The following TENM3 variants were observed in gnomAD, a reference collection of about 807,000 sequenced individuals.
TENM3 encodes the protein teneurin transmembrane protein 3.
TENM3 carries 63 observed loss-of-function variants against 255.1 expected under a neutral mutation model. The ratio of observed to expected loss-of-function variants is 0.25; its 90% CI spans 0.20 to 0.30. The LOEUF (loss-of-function observed/expected upper bound fraction) is 0.30, where lower values mean the gene tolerates loss of function less well. Ranked by LOEUF, TENM3 falls within the 10% of genes least tolerant of loss-of-function variation. The probability of loss-of-function intolerance (pLI) is 1.00; values close to 1 mark genes in which losing one functional copy is unlikely to be tolerated. For synonymous variants in TENM3, 1,306 were observed against 1,322.3 expected, an observed-to-expected ratio of 0.99 and a Z score of 0.27; for missense variants, 2,929 against 3,461.1, an observed-to-expected ratio of 0.85 and a Z score of 3.86.
intron 2 of TENM3, 138 bp from the exon 3 acceptor site, chr4:182,346,513 A>T: frequency 1.2e-6 from 1 of 849,828 alleles, no homozygotes; most frequent in Non-Finnish European, 1.8e-6. Context: ...GCTACTGTAA[A>T]CGCCTGGTGC....
upstream of TENM3, among the ~76,000 whole-genome samples, chr4:182,239,679 C>T (rs976088921): frequency 2.6e-5 from 4 of 151,860 alleles, no homozygotes; most frequent in East Asian, 3.9e-4. Flanking sequence ...CAAATAGGGG[C>T]GGAGACAGGG....
the TENM3 span, among the ~76,000 whole-genome samples, chr4:181,624,305 G>A: frequency 3.3e-5 from 5 of 152,174 alleles, no homozygotes; most frequent in African/African-American, 9.7e-5. Context: ...AGAGAAAGGC[G>A]AAAGCTGTCC....
intron 3 of TENM3, among the ~76,000 whole-genome samples, chr4:182,500,386 A>T (rs1036774280): frequency 6.6e-6 from 1 of 152,150 alleles, no homozygotes; most frequent in East Asian, 1.9e-4. Flanking sequence ...ATGGATAGCT[A>T]ACAACGAGAA....
At chr4:182,417,854 T>C (rs1416814634) in intron 3 of TENM3, among the ~76,000 whole-genome samples, 1 of 152,212 alleles carries the variant, frequency 6.6e-6, no homozygotes, top group South Asian at 2.1e-4. Flanking sequence ...TTTGAAGATG[T>C]AGATGATTGA....
the TENM3 span, among the ~76,000 whole-genome samples, chr4:181,951,778 C>T: frequency 9.3e-4 from 142 of 152,274 alleles, no homozygotes; most frequent in Non-Finnish European, 1.3e-3. Flanking sequence ...CAGTTACATG[C>T]AACAGCAAAC....
chr4:181,787,641 A>G, the TENM3 span, among the ~76,000 whole-genome samples: 2 of 152,070 alleles, frequency 1.3e-5, no homozygotes, highest in Non-Finnish European at 2.9e-5. Flanking sequence ...CACCTGGCCC[A>G]TCCATCCTTA....
intron 3 of TENM3, among the ~76,000 whole-genome samples, chr4:182,393,392 T>C (rs1768574873): frequency 1.3e-5 from 2 of 152,018 alleles, no homozygotes; most frequent in Non-Finnish European, 2.9e-5. Flanking sequence ...TACACAGAGA[T>C]AAAATAAGCA....
At chr4:182,356,988 A>G (rs1443467424) in intron 3 of TENM3, among the ~76,000 whole-genome samples, 4 of 151,564 alleles carry the variant, frequency 2.6e-5, no homozygotes, top group Non-Finnish European at 4.4e-5. Flanking sequence ...TGTTCTTGCA[A>G]TAGTTTACTG....
At chr4:181,736,886 T>C in the TENM3 span, among the ~76,000 whole-genome samples, 4 of 151,532 alleles carry the variant, frequency 2.6e-5, no homozygotes, top group Admixed American at 1.3e-4. Context: ...TTTCTTGTCC[T>C]GAAGCCGCCA....
At chr4:182,589,130 G>A (rs927581237) in intron 3 of TENM3, among the ~76,000 whole-genome samples, 1 of 152,144 alleles carries the variant, frequency 6.6e-6, no homozygotes, top group African/African-American at 2.4e-5. Flanking sequence ...GGAGAAAGCT[G>A]TTTTAGGAGC....
At chr4:181,730,826 A>G in the TENM3 span, among the ~76,000 whole-genome samples, 1 of 152,288 alleles carries the variant, frequency 6.6e-6, no homozygotes, top group African/African-American at 2.4e-5. Flanking sequence ...TGTAAAATTG[A>G]AGCTATGCAG....
chr4:182,379,710 G>A (rs962372890), intron 3 of TENM3, among the ~76,000 whole-genome samples: 3 of 152,184 alleles, frequency 2.0e-5, no homozygotes, highest in South Asian at 2.1e-4. Context: ...TACAGCCTGC[G>A]AGTATGATGG....
chr4:182,115,986 C>T, the TENM3 span, among the ~76,000 whole-genome samples: 6 of 152,174 alleles, frequency 3.9e-5, no homozygotes, highest in Non-Finnish European at 8.8e-5. Flanking sequence ...CTACAATCAA[C>T]ATCCCACAAC....
chr4:182,399,289 C>CT lies in TENM3; in HGVS notation c.511+52370dup, dbSNP rs1235366651. Among the ~76,000 whole-genome samples the CT allele has an allele frequency of 4.0e-5, 6 of 151,546 alleles. No homozygotes were observed. In the East Asian group the frequency reaches 7.7e-4, roughly 20 times the overall value. ...ACTGTTTTAGAATACTTAAGTGGTA[C>CT]TTTTTTTTTTCATCTTTAAAATATC... On this transcript the variant is annotated intron_variant, in intron 3 of 27. Coordinates refer to ENST00000511685, the MANE Select transcript of TENM3 (RefSeq NM_001080477.4).
chr4:181,739,276 G>T, the TENM3 span, among the ~76,000 whole-genome samples: 8 of 152,120 alleles, frequency 5.3e-5, 1 homozygote, highest in Non-Finnish European at 1.0e-4. Flanking sequence ...TTCATAAAGT[G>T]ATTGTCCAAA....
the TENM3 span, among the ~76,000 whole-genome samples, chr4:181,838,028 C>G: frequency 5.3e-5 from 8 of 152,004 alleles, no homozygotes; most frequent in African/African-American, 1.9e-4. Flanking sequence ...ATCCCAGTGA[C>G]TCAGAAGTCT....
At chr4:181,487,295 C>T in the TENM3 span, among the ~76,000 whole-genome samples, 6 of 152,056 alleles carry the variant, frequency 3.9e-5, no homozygotes, top group East Asian at 9.6e-4. Context: ...TCTCTAATGC[C>T]GGCACGCCTA....
the TENM3 span, among the ~76,000 whole-genome samples, chr4:181,664,163 A>G: frequency 2.6e-5 from 4 of 152,136 alleles, no homozygotes; most frequent in African/African-American, 7.2e-5. Context: ...CATCTGTTAA[A>G]GGGGATAAGA....
the TENM3 span, among the ~76,000 whole-genome samples, chr4:181,662,788 A>G: frequency 6.6e-6 from 1 of 152,200 alleles, no homozygotes; most frequent in Non-Finnish European, 1.5e-5. Flanking sequence ...TGCCCAATTT[A>G]TTCTAAGAGG....
Sources: gnomAD v4.1 joint callset for allele counts (sites outside exome capture counted in the v4.1 genomes callset) on GRCh38, gnomAD v4.1.1 for gene constraint, MANE v1.5 for transcripts, NCBI Gene and HGNC (gene_info 2026-07-23, HGNC 2026-07-21) for gene names.